The following SLAIN2 variants were observed in gnomAD, a reference collection of about 807,000 sequenced individuals.
SLAIN2 encodes SLAIN motif-containing protein 2.
A neutral mutation model predicts 56.6 loss-of-function variants in SLAIN2; 31 were observed. That is an observed-to-expected ratio of 0.55 (90% CI 0.41 to 0.74). SLAIN2 has a LOEUF of 0.74. Ranked by LOEUF, SLAIN2 falls within the 30% of genes least tolerant of loss-of-function variation. The pLI is 0.00. For missense variants in SLAIN2, 777 were observed against 754.2 expected (o/e 1.03, Z -0.35); for synonymous variants, 317 against 284.9 (o/e 1.11, Z -1.13).
chr4:48,344,646 A>T (rs1037274413), intron 1 of SLAIN2, among the ~76,000 whole-genome samples: 2 of 151,964 alleles, frequency 1.3e-5, no homozygotes, highest in African/African-American at 4.8e-5. Flanking sequence ...AGGAACTAGT[A>T]TCTTTTTTAG....
intron 1 of SLAIN2, among the ~76,000 whole-genome samples, chr4:48,366,707 A>G (rs1014868158): frequency 2.6e-5 from 4 of 152,252 alleles, no homozygotes; most frequent in Non-Finnish European, 2.9e-5. Flanking sequence ...AATCCAGTCT[A>G]TCTGCATTTG....
intron 6 of SLAIN2, among the ~76,000 whole-genome samples, chr4:48,396,184 A>T (rs1716381961): frequency 6.6e-6 from 1 of 152,128 alleles, no homozygotes; most frequent in Non-Finnish European, 1.5e-5. Context: ...CTCTCTGATA[A>T]GATAACAGGA....
At chr4:48,357,444 C>T (rs1715189742) in intron 1 of SLAIN2, among the ~76,000 whole-genome samples, 1 of 151,118 alleles carries the variant, frequency 6.6e-6, no homozygotes, top group South Asian at 2.1e-4. Flanking sequence ...CGCAGTGGCA[C>T]AGTCATAGCT....
rs201389533 is a variant in SLAIN2, at chr4:48,381,354, CT to C, written c.863-1205del. Among the ~76,000 whole-genome samples, 176 of 151,210 alleles carry C rather than the reference CT, an allele frequency of 1.2e-3. 1 individual carries two copies. Among genetic ancestry groups the C allele is most frequent in the African/African-American group, 4.0e-3 (167 of 41,282 alleles). On this transcript the variant is annotated intron_variant, in intron 4 of 7. Coordinates refer to ENST00000264313, the MANE Select transcript of SLAIN2 (RefSeq NM_020846.2). ...ATGTGATACTTCTTGAAAACTACAG[CT>C]TTTTTTTTGTCTTAGAGATGATTTT...
intron 2 of SLAIN2, among the ~76,000 whole-genome samples, chr4:48,373,364 G>A (rs1412991431): frequency 6.6e-6 from 1 of 152,018 alleles, no homozygotes; most frequent in Non-Finnish European, 1.5e-5. Context: ...CCTGTTTTAG[G>A]TTTAGGTTGC....
At chr4:48,345,541 C>G (rs1488975225) in intron 1 of SLAIN2, among the ~76,000 whole-genome samples, 1 of 151,764 alleles carries the variant, frequency 6.6e-6, no homozygotes, top group Non-Finnish European at 1.5e-5. Flanking sequence ...GTTTTAACTT[C>G]TATTATGCTT....
At chr4:48,362,750 CTT>C (rs66847310) in intron 1 of SLAIN2, among the ~76,000 whole-genome samples, 106 of 93,260 alleles carry the variant, frequency 1.1e-3, no homozygotes, top group East Asian at 3.2e-3. Flanking sequence ...TTTTTTTATT[CTT>C]TTTTTTTTTT....
chr4:48,401,001 G>C (rs1441077960), intron 6 of SLAIN2, among the ~76,000 whole-genome samples: 1 of 152,012 alleles, frequency 6.6e-6, no homozygotes, highest in African/African-American at 2.4e-5. Context: ...TCTTTGTTCT[G>C]ATTAGTTTCA....
intron 6 of SLAIN2, chr4:48,394,684 T>G (rs1560461352): frequency 6.6e-7 from 1 of 1,519,898 alleles, no homozygotes; most frequent in East Asian, 2.5e-5. Flanking sequence ...AGTTTAAAAT[T>G]TCAGCAAATG....
intron 1 of SLAIN2, among the ~76,000 whole-genome samples, chr4:48,349,657 AATC>A (rs1216387759): frequency 2.6e-5 from 4 of 152,222 alleles, no homozygotes; most frequent in Non-Finnish European, 4.4e-5. Context: ...GAATTTAAAA[AATC>A]CTATTGATAA....
chr4:48,382,666 G>T lies in SLAIN2; in HGVS notation c.961G>T (p.Ala321Ser). 3 of 1,613,810 alleles carry T rather than the reference G, an allele frequency of 1.9e-6. No homozygotes were observed. The highest frequency in any genetic ancestry group is 2.5e-6 in the Non-Finnish European group (3 of 1,179,828). Reference sequence around the variant, plus strand: ...TACTTTTAGTGATCAGGAACTTGATGCACAAAGTTTAGATGATGAAGATGA... The same window carrying T: ...TACTTTTAGTGATCAGGAACTTGATTCACAAAGTTTAGATGATGAAGATGA... ...RGTFSDQELD[A>S]QSLDDEDDNM... Residue 321 changes from alanine (A) to serine (S), a missense_variant, in exon 5 of 8, where the codon GCA (alanine) becomes TCA (serine). Physicochemically the swap from Ala to Ser is moderately conservative, Grantham distance 99. Transcript: ENST00000264313.
chr4:48,380,791 A>G (rs1230062092), intron 4 of SLAIN2, among the ~76,000 whole-genome samples: 1 of 152,164 alleles, frequency 6.6e-6, no homozygotes, highest in Non-Finnish European at 1.5e-5. Context: ...TTAATGGAGC[A>G]TTGCTACGGT....
Position 48,423,591 on chromosome 4 carries a change from A to G in SLAIN2, c.*1514A>G, listed in dbSNP as rs1287652941. 1.3e-5 allele frequency: 2 copies of G among 152,152 alleles called. No individual in the cohort carries two copies. The highest frequency in any genetic ancestry group is 1.3e-4 in the Admixed American group (2 of 15,264). 9.4% of individuals were successfully genotyped at this position (152,152 alleles called of 1,614,324 possible). On this transcript the variant is annotated 3_prime_UTR_variant, in exon 8 of 8. Transcript: ENST00000264313. ...AGAAATAGAAGGCTTGATATTCTGGACAGCATTAAGGTTGATAGGTTGATG... is the reference window on the plus strand; with the variant it reads ...AGAAATAGAAGGCTTGATATTCTGGGCAGCATTAAGGTTGATAGGTTGATG...
rs777953940 is a variant in SLAIN2, at chr4:48,377,955, T to A, written c.598T>A (p.Tyr200Asn). 6.2e-7 allele frequency: 1 copy of A among 1,613,948 alleles called. No individual in the cohort carries two copies. Among genetic ancestry groups the A allele is most frequent in the East Asian group, 2.2e-5 (1 of 44,866 alleles). Residue 200 changes from tyrosine (Y) to asparagine (N), a missense_variant, in exon 3 of 8, where the codon TAC becomes AAC. By Grantham distance (143) the Tyr-to-Asn change is moderately radical. Transcript: ENST00000264313. Reference protein sequence around the residue: ...PFNSMSYTSPYSPNASSPYSS... With the variant: ...PFNSMSYTSPNSPNASSPYSS... ...CAACTCTATGAGTTACACCAGTCCTTACAGTCCAAATGCCAGTAGCCCATA... is the reference window on the plus strand; with the variant it reads ...CAACTCTATGAGTTACACCAGTCCTAACAGTCCAAATGCCAGTAGCCCATA...
intron 3 of SLAIN2, 84 bp downstream of exon 3, chr4:48,378,144 C>A: frequency 7.0e-7 from 1 of 1,419,216 alleles, no homozygotes; most frequent in Non-Finnish European, 9.6e-7. Flanking sequence ...ATCTGCAGTT[C>A]GAGTTCATTT....
At position 48,379,849 on chromosome 4, in the gene SLAIN2, G is replaced by C; in HGVS notation, c.862+1G>C. 1 of 1,543,790 alleles carries C rather than the reference G, an allele frequency of 6.5e-7. No individual in the cohort carries two copies. Among genetic ancestry groups the C allele is most frequent in the Non-Finnish European group, 8.7e-7 (1 of 1,151,334 alleles). The stretch of plus-strand genomic sequence containing the variant: ...ATTCTAGCCCGGATGCAGGAAGAAA[G>C]TAAGTATTCTAATTGTTAAGAGTTG... On this transcript the variant is annotated splice_donor_variant, in intron 4 of 7. Coordinates refer to ENST00000264313, the MANE Select transcript of SLAIN2 (RefSeq NM_020846.2). LOFTEE classifies it high-confidence loss of function.
In SLAIN2 at chr4:48,342,146, G is replaced by A; in HGVS notation, c.389+18G>A. 1 of 1,338,236 alleles carries A rather than the reference G, an allele frequency of 7.5e-7. No individual in the cohort carries two copies. Among genetic ancestry groups the A allele is most frequent in the South Asian group, 1.9e-5 (1 of 51,460 alleles). The allele number at this position is 1,338,236 out of a possible 1,614,324, so 82.9% of individuals were successfully genotyped here. A position where few individuals can be genotyped will look rare whatever the true frequency, so the allele number is the denominator to read the frequency against. On this transcript the variant is annotated intron_variant, in intron 1 of 7. Transcript: ENST00000264313. The stretch of plus-strand genomic sequence containing the variant: ...GAGAGCTGGTGAGCGCGAGGCGCCG[G>A]GCAGGAGCTGGGCGGGGACGGGCCC...
chr4:48,385,344 T>TTC (rs1330603739), intron 6 of SLAIN2, among the ~76,000 whole-genome samples: 3 of 152,216 alleles, frequency 2.0e-5, no homozygotes, highest in Non-Finnish European at 1.5e-5. Flanking sequence ...ATCAGTCCCG[T>TTC]ATATGAGCTC....
At chr4:48,366,262 C>T (rs1186401486) in intron 1 of SLAIN2, among the ~76,000 whole-genome samples, 1 of 150,370 alleles carries the variant, frequency 6.7e-6, no homozygotes, top group Non-Finnish European at 1.5e-5. Context: ...GTTCCATGTG[C>T]AGTTAAAAAG....
Sources: allele counts gnomAD v4.1 joint callset (sites outside exome capture counted in the v4.1 genomes callset), GRCh38; gene constraint gnomAD v4.1.1; transcripts MANE v1.5; gene names NCBI Gene and HGNC (gene_info 2026-07-23, HGNC 2026-07-21).